The following XRCC2 variants were observed in gnomAD, a reference collection of about 807,000 sequenced individuals.
XRCC2 encodes X-ray repair cross complementing 2, also known as DNA repair protein XRCC2.
XRCC2 carries 24 observed loss-of-function variants against 27.3 expected under a neutral mutation model. The ratio of observed to expected loss-of-function variants is 0.88; its 90% CI spans 0.64 to 1.24. The LOEUF (loss-of-function observed/expected upper bound fraction) is 1.24, where lower values mean the gene tolerates loss of function less well. Ranked by LOEUF, XRCC2 falls within the 50% of genes most tolerant of loss-of-function variation. The pLI is 0.00. For missense variants in XRCC2, 321 were observed against 325.8 expected, an observed-to-expected ratio of 0.99 and a Z score of 0.11; for synonymous variants, 106 against 115.4, an observed-to-expected ratio of 0.92 and a Z score of 0.52.
chr7:152,658,491 G>A (rs1225563338), intron 2 of XRCC2, among the ~76,000 whole-genome samples: 1 of 152,194 alleles, frequency 6.6e-6, no homozygotes, highest in Non-Finnish European at 1.5e-5. Context: ...TCAGCAGTGT[G>A]AAGTACATTG....
chr7:152,645,903 G>T lies in XRCC2; in HGVS notation c.*2739C>A, dbSNP rs995642537. ...CACTCCAGCCTGGGCAACGGAGCGA[G>T]ACCTTGTCTCTAAAAATAAAACAGC... On this transcript the variant is annotated 3_prime_UTR_variant, in exon 3 of 3. Transcript: ENST00000359321. 14 of 152,144 alleles carry T rather than the reference G, an allele frequency of 9.2e-5. No individual in the cohort carries two copies. Among genetic ancestry groups the T allele is most frequent in the Non-Finnish European group, 1.6e-4 (11 of 68,030 alleles). The allele number at this position is 152,144 out of a possible 1,614,324, so 9.4% of individuals were successfully genotyped here.
chr7:152,657,173 T>G, intron 2 of XRCC2, among the ~76,000 whole-genome samples: 1 of 140,658 alleles, frequency 7.1e-6, no homozygotes, highest in African/African-American at 2.7e-5. Flanking sequence ...GAGGAGGAGG[T>G]TGCAGTGAGC....
chr7:152,674,729 TA>T (rs1447784075), intron 1 of XRCC2, among the ~76,000 whole-genome samples: 2 of 48,372 alleles, frequency 4.1e-5, no homozygotes, highest in East Asian at 5.3e-4. Context: ...TTTAAATATA[TA>T]TTATATATAA....
chr7:152,649,381 ATC>A lies in XRCC2; in HGVS notation c.122-20_122-19del, dbSNP rs1447123910. The A allele has an allele frequency of 6.5e-7, 1 of 1,537,174 alleles. No individual in the cohort carries two copies. The highest frequency in any genetic ancestry group is 1.4e-5 in the African/African-American group (1 of 72,136). The stretch of plus-strand genomic sequence containing the variant: ...AATATCACCTGTGTAAAATTTAAAA[ATC>A]TCAGTCAAAATGCAGTAGCTCAAGG... On this transcript the variant is annotated intron_variant, in intron 2 of 2. Coordinates refer to ENST00000359321, the MANE Select transcript of XRCC2 (RefSeq NM_005431.2).
At chr7:152,667,340 G>C (rs1412288131) in intron 1 of XRCC2, among the ~76,000 whole-genome samples, 2 of 148,338 alleles carry the variant, frequency 1.3e-5, no homozygotes, top group Non-Finnish European at 3.0e-5. Flanking sequence ...CTGAGGCAGA[G>C]GTTGCGGTGA....
In XRCC2 at chr7:152,648,668, C is replaced by T. The variant is rs1292317353; in HGVS notation, c.817G>A (p.Gly273Arg). 6.2e-7 allele frequency: 1 copy of T among 1,606,554 alleles called. No individual in the cohort carries two copies. The highest frequency in any genetic ancestry group is 1.3e-5 in the African/African-American group (1 of 74,522). ...CAACAAAATTCAACCCCACTTTCTC[C>T]AATAATAAAAAAATGTTTTTTTAAA... Reference protein sequence around the residue: ...NSLKKHFFIIGESGVEFC With the variant: ...NSLKKHFFIIRESGVEFC Residue 273 changes from glycine (G) to arginine (R), a missense_variant, in exon 3 of 3, where the codon GGA becomes AGA. Physicochemically the swap from Gly to Arg is moderately radical, Grantham distance 125 (BLOSUM62 -2). Coordinates refer to ENST00000359321, the MANE Select transcript of XRCC2 (RefSeq NM_005431.2).
intron 2 of XRCC2, among the ~76,000 whole-genome samples, chr7:152,652,037 A>G (rs1032249783): frequency 2.0e-5 from 3 of 151,758 alleles, no homozygotes; most frequent in Non-Finnish European, 4.4e-5. Flanking sequence ...CGGGCGTGGT[A>G]GCATGTGCCT....
chr7:152,648,898 T>G lies in XRCC2; in HGVS notation c.587A>C (p.Gln196Pro), dbSNP rs745311930. ...GCTCGAGGCTTTCTGCATTATAGTT[T>G]GTGTCGTTGCAAAAAGAACCAGGCG... ...DYRLVLFATT[Q>P]TIMQKASSSS... Residue 196 changes from glutamine to proline, a missense_variant, in exon 3 of 3, where the codon CAA (glutamine) becomes CCA (proline). Transcript: ENST00000359321. 3 of 1,614,134 alleles carry G rather than the reference T, an allele frequency of 1.9e-6. No homozygotes were observed. The highest frequency in any genetic ancestry group is 2.2e-5 in the South Asian group (2 of 91,080).
rs59503175 is a variant in XRCC2, at chr7:152,668,027, CA to C, written c.40-7246del. 3.7e-3 allele frequency among the ~76,000 whole-genome samples: 386 copies of C among 105,560 alleles called. 1 individual carries two copies. Among genetic ancestry groups the C allele is most frequent in the African/African-American group, 6.2e-3 (173 of 27,972 alleles). 69.3% of individuals were successfully genotyped at this position (105,560 alleles called of 152,430 possible). ...TAGGAGACAGAACGAGACTCCATCT[CA>C]AAAAAAAAAAAAAAGAAACTTCTAA... On this transcript the variant is annotated intron_variant, in intron 1 of 2. Coordinates refer to ENST00000359321, the MANE Select transcript of XRCC2 (RefSeq NM_005431.2).
At chr7:152,651,065 G>A (rs939223497) in intron 2 of XRCC2, among the ~76,000 whole-genome samples, 6 of 151,684 alleles carry the variant, frequency 4.0e-5, no homozygotes, top group Admixed American at 1.3e-4. Flanking sequence ...TCAGCCTCCC[G>A]AGTAGCTGGG....
intron 2 of XRCC2, among the ~76,000 whole-genome samples, chr7:152,649,652 A>G (rs914448854): frequency 2.0e-5 from 3 of 152,218 alleles, no homozygotes; most frequent in Non-Finnish European, 2.9e-5. Context: ...GGGCCTTTCC[A>G]AAATCTGATG....
chr7:152,652,785 G>C (rs573744505), intron 2 of XRCC2, among the ~76,000 whole-genome samples: 1 of 152,176 alleles, frequency 6.6e-6, no homozygotes, highest in African/African-American at 2.4e-5. Flanking sequence ...GGTTTGTGAG[G>C]GTTAAGGGCC....
intron 2 of XRCC2, among the ~76,000 whole-genome samples, chr7:152,651,965 T>C (rs887480461): frequency 2.0e-5 from 3 of 151,676 alleles, no homozygotes; most frequent in African/African-American, 4.8e-5. Context: ...CAGGAGTTCA[T>C]GACGAGCCTG....
At chr7:152,662,212 C>A (rs2117000864) in intron 1 of XRCC2, among the ~76,000 whole-genome samples, 1 of 152,236 alleles carries the variant, frequency 6.6e-6, no homozygotes, top group African/African-American at 2.4e-5. Flanking sequence ...ATGATCCGCT[C>A]CCATCGGCCT....
At chr7:152,664,269 C>T (rs1467803398) in intron 1 of XRCC2, among the ~76,000 whole-genome samples, 3 of 152,138 alleles carry the variant, frequency 2.0e-5, no homozygotes, top group East Asian at 3.8e-4. Context: ...CTTCTAGAGA[C>T]TTATTAAGCC....
intron 2 of XRCC2, among the ~76,000 whole-genome samples, chr7:152,652,458 G>T (rs1286997978): frequency 1.3e-5 from 2 of 152,082 alleles, no homozygotes; most frequent in Non-Finnish European, 2.9e-5. Flanking sequence ...TCCCATAGAG[G>T]CAGCCAGAGA....
At chr7:152,675,691 C>T (rs2098040682) in intron 1 of XRCC2, among the ~76,000 whole-genome samples, 1 of 152,196 alleles carries the variant, frequency 6.6e-6, no homozygotes, top group African/African-American at 2.4e-5. Context: ...TTGACATTTC[C>T]AACGGTAGTT....
intron 2 of XRCC2, among the ~76,000 whole-genome samples, chr7:152,654,886 C>T (rs2098030098): frequency 6.6e-6 from 1 of 152,196 alleles, no homozygotes; most frequent in African/African-American, 2.4e-5. Flanking sequence ...CTAAATTCCT[C>T]ACAAATATGT....
intron 1 of XRCC2, among the ~76,000 whole-genome samples, chr7:152,665,073 G>A (rs546557620): frequency 6.6e-6 from 1 of 152,170 alleles, no homozygotes; most frequent in East Asian, 1.9e-4. Context: ...CACTGCACAT[G>A]AGGCAATTAG....
Sources: allele counts gnomAD v4.1 joint callset (sites outside exome capture counted in the v4.1 genomes callset), GRCh38; gene constraint gnomAD v4.1.1; transcripts MANE v1.5; gene names NCBI Gene and HGNC (gene_info 2026-07-23, HGNC 2026-07-21).